The following GATAD1 variants were observed in gnomAD, a reference collection of about 807,000 sequenced individuals.
The protein encoded by GATAD1 is GATA zinc finger domain-containing protein 1.
Under a neutral mutation model 26.5 loss-of-function variants are expected in GATAD1, and 12 were observed. The ratio of observed to expected loss-of-function variants is 0.45; its 90% CI spans 0.29 to 0.73. The LOEUF (loss-of-function observed/expected upper bound fraction) is 0.73, where lower values mean the gene tolerates loss of function less well. Ranked by LOEUF, GATAD1 falls within the 30% of genes least tolerant of loss-of-function variation. The probability of loss-of-function intolerance (pLI) is 0.10; values close to 1 mark genes in which losing one functional copy is unlikely to be tolerated. For missense variants in GATAD1, 266 were observed against 342.1 expected, an observed-to-expected ratio of 0.78 and a Z score of 1.75; for synonymous variants, 129 against 133.1, an observed-to-expected ratio of 0.97 and a Z score of 0.21.
chr7:92,482,155 TG>T, the GATAD1 span, among the ~76,000 whole-genome samples: 1 of 152,196 alleles, frequency 6.6e-6, no homozygotes, highest in Admixed American at 6.5e-5. Flanking sequence ...CCTGAAGCCT[TG>T]CGGCAGTACA....
the GATAD1 span, chr7:92,472,405 C>T: frequency 1.3e-5 from 2 of 152,216 alleles, no homozygotes; most frequent in African/African-American, 2.4e-5. Flanking sequence ...TGAGGTCAAC[C>T]CTTTGCCACT....
chr7:92,484,004 G>A, the GATAD1 span, among the ~76,000 whole-genome samples: 1 of 152,126 alleles, frequency 6.6e-6, no homozygotes, highest in African/African-American at 2.4e-5. Context: ...GAGTCGCATT[G>A]GGAGCAGAGA....
At chr7:92,448,506 G>T (rs886620796) in intron 1 of GATAD1, among the ~76,000 whole-genome samples, 8 of 152,136 alleles carry the variant, frequency 5.3e-5, no homozygotes, top group African/African-American at 1.9e-4. Context: ...ATTACAAGCA[G>T]CTCACACCTT....
chr7:92,488,797 A>T, the GATAD1 span, among the ~76,000 whole-genome samples: 1 of 150,498 alleles, frequency 6.6e-6, no homozygotes, highest in Non-Finnish European at 1.5e-5. Flanking sequence ...GCAGTGGTGC[A>T]ATCTCGGCTC....
chr7:92,453,896 T>C (rs1789546875), intron 3 of GATAD1, among the ~76,000 whole-genome samples: 1 of 152,094 alleles, frequency 6.6e-6, no homozygotes, highest in Admixed American at 6.5e-5. Flanking sequence ...GCACAGAGGA[T>C]TTTTAGGGCG....
Position 92,450,738 on chromosome 7 carries a change from C to G in GATAD1, c.413C>G (p.Thr138Ser). The G allele has an allele frequency of 6.2e-7, 1 of 1,608,968 alleles. No homozygotes were observed. Among genetic ancestry groups the G allele is most frequent in the Non-Finnish European group, 8.5e-7 (1 of 1,175,354 alleles). The part of the protein sequence containing the change: ...KAPESVSTII[T>S]AESIFYKGVY... ...CCTGAGTCAGTTTCCACTATAATCA[C>G]TGCAGAATCAATCTTCTACAAGGTA... The change falls in exon 3 of 5, where the codon ACT (threonine) becomes AGT (serine). Residue 138 changes from threonine (T) to serine (S), a missense_variant. By Grantham distance (58) the Thr-to-Ser change is moderately conservative. Coordinates refer to ENST00000287957, the MANE Select transcript of GATAD1 (RefSeq NM_021167.5).
chr7:92,462,388 A>G (rs1186505119), downstream of GATAD1, among the ~76,000 whole-genome samples: 1 of 151,962 alleles, frequency 6.6e-6, no homozygotes, highest in Non-Finnish European at 1.5e-5. Context: ...AAACAAAAAC[A>G]CACACATATA....
In GATAD1 at chr7:92,458,528, C is replaced by A. The variant is rs551892949; in HGVS notation, c.*1966C>A. On this transcript the variant is annotated 3_prime_UTR_variant, in exon 5 of 5. Coordinates refer to ENST00000287957, the MANE Select transcript of GATAD1 (RefSeq NM_021167.5). The stretch of plus-strand genomic sequence containing the variant: ...TTGCCGGTTAAGTAAGGGAGCAACA[C>A]GTAAAATGGGAGAGGAGTGGGGTGT... 6.6e-6 allele frequency: 1 copy of A among 152,184 alleles called. No individual in the cohort carries two copies. The highest frequency in any genetic ancestry group is 2.4e-5 in the African/African-American group (1 of 41,438). The allele number at this position is 152,184 out of a possible 1,614,324, so 9.4% of individuals were successfully genotyped here. A position where few individuals can be genotyped will look rare whatever the true frequency, so the allele number is the denominator to read the frequency against.
At chr7:92,489,730 T>C in the GATAD1 span, 4 of 1,614,060 alleles carry the variant, frequency 2.5e-6, no homozygotes, top group Non-Finnish European at 3.4e-6. Flanking sequence ...TTGGCTCCGG[T>C]ATCTGCCTTT....
chr7:92,470,649 C>A, the GATAD1 span: 1 of 341,208 alleles, frequency 2.9e-6, no homozygotes, highest in Non-Finnish European at 5.6e-6. Context: ...TGACTAATAC[C>A]ATGTCACAAG....
chr7:92,484,039 G>C, the GATAD1 span, among the ~76,000 whole-genome samples: 1 of 152,132 alleles, frequency 6.6e-6, no homozygotes, highest in Non-Finnish European at 1.5e-5. Context: ...ATGTGTAAAA[G>C]AATGCCTGGA....
At chr7:92,485,888 CTG>C in the GATAD1 span, among the ~76,000 whole-genome samples, 2 of 152,168 alleles carry the variant, frequency 1.3e-5, no homozygotes, top group Non-Finnish European at 2.9e-5. Flanking sequence ...GGTATGAGGT[CTG>C]GAGGAAAAGT....
chr7:92,468,414 G>A, the GATAD1 span: 1 of 185,872 alleles, frequency 5.4e-6, no homozygotes, highest in Non-Finnish European at 1.1e-5. Context: ...GAAATAGCAT[G>A]AAAACAGAGC....
At chr7:92,475,799 G>A in the GATAD1 span, among the ~76,000 whole-genome samples, 4 of 152,190 alleles carry the variant, frequency 2.6e-5, no homozygotes, top group Non-Finnish European at 5.9e-5. Context: ...TAACAACCCA[G>A]CTGCCCCATC....
chr7:92,481,016 C>T, the GATAD1 span, among the ~76,000 whole-genome samples: 3 of 151,966 alleles, frequency 2.0e-5, no homozygotes, highest in Non-Finnish European at 2.9e-5. Context: ...AGTGAAGGCC[C>T]GAGTTAAGGC....
rs12671705 is a variant in GATAD1, at chr7:92,453,857, T to G, written c.436-645T>G. On this transcript the variant is annotated intron_variant, in intron 3 of 4. Coordinates refer to ENST00000287957, the MANE Select transcript of GATAD1 (RefSeq NM_021167.5). ...TTTAACCTTACTACTGCTTCATGAC[T>G]GTGGCTAACAAAGTAGGGATAGTAC... Among the ~76,000 whole-genome samples, 40 of 152,348 alleles carry G rather than the reference T, an allele frequency of 2.6e-4. No individual in the cohort carries two copies. In the East Asian group the frequency reaches 7.5e-3, roughly 29 times the overall value.
At position 92,458,008 on chromosome 7, in the gene GATAD1, A is replaced by C. The variant is rs2115893806; in HGVS notation, c.*1446A>C. ...AAAAATTAGTTGGGTGTTATGGTGC[A>C]TGCCTGTAATCCCAGCTACTCGGGA... On this transcript the variant is annotated 3_prime_UTR_variant, in exon 5 of 5. Coordinates refer to ENST00000287957, the MANE Select transcript of GATAD1 (RefSeq NM_021167.5). 1 of 152,280 alleles carries C rather than the reference A, an allele frequency of 6.6e-6. No homozygotes were observed. Among genetic ancestry groups the C allele is most frequent in the Middle Eastern group, 3.4e-3 (1 of 294 alleles). 9.4% of individuals were successfully genotyped at this position (152,280 alleles called of 1,614,324 possible). A position where few individuals can be genotyped will look rare whatever the true frequency, so the allele number is the denominator to read the frequency against.
chr7:92,480,372 TG>T, the GATAD1 span, among the ~76,000 whole-genome samples: 1 of 152,162 alleles, frequency 6.6e-6, no homozygotes, highest in Non-Finnish European at 1.5e-5. Context: ...TTGCCAGTCC[TG>T]GGCAGGGGCA....
chr7:92,456,289 C>A, intron 4 of GATAD1, 83 bp from the exon 5 acceptor site: 1 of 857,654 alleles, frequency 1.2e-6, no homozygotes, highest in Non-Finnish European at 1.8e-6. Context: ...TGGTCTCTCC[C>A]AGTGTCTAGA....
Sources: gnomAD v4.1 joint callset for allele counts (sites outside exome capture counted in the v4.1 genomes callset) on GRCh38, gnomAD v4.1.1 for gene constraint, MANE v1.5 for transcripts, NCBI Gene and HGNC (gene_info 2026-07-23, HGNC 2026-07-21) for gene names.